The following TMCO4 variants were observed in gnomAD, a reference collection of about 807,000 sequenced individuals.
TMCO4 encodes transmembrane and coiled-coil domains 4.
In TMCO4, 58 loss-of-function variants were observed where a neutral mutation model predicts 64.7. That is an observed-to-expected ratio of 0.90 (90% CI 0.73 to 1.12). The LOEUF is 1.12. Among genes scored for constraint, TMCO4 ranks in the 50% most tolerant of loss-of-function variants. The pLI, the probability that TMCO4 is intolerant of heterozygous loss-of-function variation, is 0.00. For synonymous variants in TMCO4, 325 were observed against 346.1 expected, an observed-to-expected ratio of 0.94 and a Z score of 0.68; for missense variants, 780 against 825.9, an observed-to-expected ratio of 0.94 and a Z score of 0.68.
intron 3 of TMCO4, among the ~76,000 whole-genome samples, chr1:19,783,072 A>G (rs1028730467): frequency 2.0e-5 from 3 of 152,240 alleles, no homozygotes; most frequent in Admixed American, 1.3e-4. Flanking sequence ...CAACAAACAA[A>G]TAAGTAAAAT....
chr1:19,688,299 C>T (rs186678416), intron 15 of TMCO4, among the ~76,000 whole-genome samples: 13 of 152,252 alleles, frequency 8.5e-5, no homozygotes, highest in East Asian at 3.9e-4. Flanking sequence ...CAGCCAGCCC[C>T]GCACATCGTG....
In TMCO4 at chr1:19,713,553, G is replaced by A. The variant is rs115822716; in HGVS notation, c.1265-12668C>T. 2.2e-3 allele frequency among the ~76,000 whole-genome samples: 329 copies of A among 152,192 alleles called. 4 individuals carry two copies. The highest frequency in any genetic ancestry group is 6.9e-3 in the African/African-American group (287 of 41,538). On this transcript the variant is annotated intron_variant, in intron 13 of 15. Transcript: ENST00000294543. ...GGTAGAATCCTTTAGGCAAGATCCA[G>A]GTGGGCATGGTGGTGTGCACCTGTG...
At chr1:19,724,304 G>A (rs1363006340) in intron 13 of TMCO4, among the ~76,000 whole-genome samples, 3 of 152,198 alleles carry the variant, frequency 2.0e-5, no homozygotes, top group East Asian at 3.8e-4. Flanking sequence ...GCATTGTGCT[G>A]TTACATCCAC....
At chr1:19,702,891 G>A (rs2095282080) in intron 13 of TMCO4, among the ~76,000 whole-genome samples, 1 of 152,244 alleles carries the variant, frequency 6.6e-6, no homozygotes, top group South Asian at 2.1e-4. Context: ...ATGGGCATGT[G>A]GACCAGGCTT....
intron 4 of TMCO4, among the ~76,000 whole-genome samples, chr1:19,776,285 C>T (rs894419700): frequency 2.6e-5 from 4 of 152,116 alleles, no homozygotes; most frequent in Non-Finnish European, 5.9e-5. Context: ...GCATACTGAA[C>T]GGGAAACATT....
At chr1:19,684,944 T>C (rs756456011) in intron 15 of TMCO4, among the ~76,000 whole-genome samples, 6 of 152,140 alleles carry the variant, frequency 3.9e-5, no homozygotes, top group Non-Finnish European at 8.8e-5. Flanking sequence ...AGAGGGAAAT[T>C]TGGTCCTTGA....
intron 13 of TMCO4, among the ~76,000 whole-genome samples, chr1:19,723,259 G>A (rs1159074617): frequency 2.0e-5 from 3 of 152,198 alleles, no homozygotes; most frequent in Admixed American, 6.5e-5. Context: ...AAAAAGTTTT[G>A]GAATCTGGAG....
At chr1:19,752,483 ACT>A (rs927787342) in intron 7 of TMCO4, among the ~76,000 whole-genome samples, 1 of 152,104 alleles carries the variant, frequency 6.6e-6, no homozygotes, top group Non-Finnish European at 1.5e-5. Flanking sequence ...AATCGGTCTT[ACT>A]CTCTGTCATC....
chr1:19,685,838 C>T (rs1338785429), intron 15 of TMCO4, among the ~76,000 whole-genome samples: 1 of 151,928 alleles, frequency 6.6e-6, no homozygotes, highest in Admixed American at 6.6e-5. Context: ...CTCAGCCTCC[C>T]GAGTAGCAGG....
intron 13 of TMCO4, among the ~76,000 whole-genome samples, chr1:19,712,753 C>T (rs2095337228): frequency 6.6e-6 from 1 of 152,164 alleles, no homozygotes; most frequent in Non-Finnish European, 1.5e-5. Flanking sequence ...AAATGTGACA[C>T]AGGGACATAG....
chr1:19,751,416 G>A (rs1358334926), intron 7 of TMCO4, among the ~76,000 whole-genome samples: 1 of 151,974 alleles, frequency 6.6e-6, no homozygotes, highest in African/African-American at 2.4e-5. Context: ...TGGGCAACAG[G>A]GTGAAATGCT....
At chr1:19,742,030 G>A (rs1014970699) in intron 10 of TMCO4, among the ~76,000 whole-genome samples, 5 of 151,896 alleles carry the variant, frequency 3.3e-5, no homozygotes, top group South Asian at 2.1e-4. Context: ...GAACCACTGC[G>A]CCCGGCGAAA....
intron 13 of TMCO4, among the ~76,000 whole-genome samples, chr1:19,712,798 G>C (rs532642906): frequency 1.3e-5 from 2 of 152,160 alleles, no homozygotes; most frequent in African/African-American, 2.4e-5. Flanking sequence ...AGCTATTGGC[G>C]TGTGACAAAC....
chr1:19,760,714 G>A (rs1337737003), intron 6 of TMCO4, among the ~76,000 whole-genome samples: 2 of 152,164 alleles, frequency 1.3e-5, no homozygotes, highest in African/African-American at 4.8e-5. Flanking sequence ...TATTTTATTT[G>A]CCTACTTGTT....
At chr1:19,723,513 G>A (rs145900582) in intron 13 of TMCO4, among the ~76,000 whole-genome samples, 2 of 152,172 alleles carry the variant, frequency 1.3e-5, no homozygotes, top group African/African-American at 4.8e-5. Context: ...GGGTGCCCCA[G>A]TCATCATGTA....
At chr1:19,723,728 T>C (rs1010536596) in intron 13 of TMCO4, among the ~76,000 whole-genome samples, 1 of 152,252 alleles carries the variant, frequency 6.6e-6, no homozygotes, top group East Asian at 1.9e-4. Context: ...CAATGTGATT[T>C]CTGGAGGCTC....
At chr1:19,703,522 C>CTTCTT (rs757533943) in intron 13 of TMCO4, among the ~76,000 whole-genome samples, 1 of 149,848 alleles carries the variant, frequency 6.7e-6, no homozygotes, top group African/African-American at 2.5e-5. Flanking sequence ...TCCCTCCCTC[C>CTTCTT]TTCTTTTCTT....
At chr1:19,748,628 C>T (rs1037058417) in intron 7 of TMCO4, among the ~76,000 whole-genome samples, 3 of 152,146 alleles carry the variant, frequency 2.0e-5, no homozygotes, top group African/African-American at 7.2e-5. Flanking sequence ...AGTTTGAGAC[C>T]AGCCTGGCCA....
intron 4 of TMCO4, among the ~76,000 whole-genome samples, chr1:19,776,426 T>G (rs2043207459): frequency 6.6e-6 from 1 of 152,188 alleles, no homozygotes; most frequent in South Asian, 2.1e-4. Context: ...TGTGCCCTCC[T>G]AAGTAGCGCC....
Sources: gnomAD v4.1 joint callset for allele counts (sites outside exome capture counted in the v4.1 genomes callset) on GRCh38, gnomAD v4.1.1 for gene constraint, MANE v1.5 for transcripts, NCBI Gene and HGNC (gene_info 2026-07-23, HGNC 2026-07-21) for gene names.